Variants in METTL15 observed in about 807,000 individuals in gnomAD.
METTL15 encodes methyltransferase 15, mitochondrial 12S rRNA N4-cytidine, also known as 12S rRNA N(4)-cytidine methyltransferase METTL15.
METTL15 carries 34 observed loss-of-function variants against 38.3 expected under a neutral mutation model. The ratio of observed to expected loss-of-function variants is 0.89; its 90% CI spans 0.68 to 1.18. METTL15 has a LOEUF of 1.18. Ranked by LOEUF, METTL15 falls within the 50% of genes most tolerant of loss-of-function variation. The pLI is 0.00. For missense variants in METTL15, 438 were observed against 498.4 expected, an observed-to-expected ratio of 0.88 and a Z score of 1.15; for synonymous variants, 162 against 170.9, an observed-to-expected ratio of 0.95 and a Z score of 0.41.
chr11:28,116,450 A>G (rs1407330757), intron 3 of METTL15, among the ~76,000 whole-genome samples: 3 of 152,198 alleles, frequency 2.0e-5, no homozygotes, highest in Non-Finnish European at 4.4e-5. Context: ...TTTCCAACAT[A>G]CTGCTTAGTG....
At chr11:28,511,628 C>T (rs867162485) in intron 6 of METTL15, among the ~76,000 whole-genome samples, 24 of 152,252 alleles carry the variant, frequency 1.6e-4, no homozygotes, top group Middle Eastern at 3.4e-3. Flanking sequence ...AGTGTTACAG[C>T]TCTTAAGGCA....
At chr11:28,433,324 G>C (rs1000475072) in intron 6 of METTL15, among the ~76,000 whole-genome samples, 7 of 151,944 alleles carry the variant, frequency 4.6e-5, no homozygotes, top group African/African-American at 1.7e-4. Flanking sequence ...TTGACACTGG[G>C]GAGCTAGCAA....
intron 3 of METTL15, among the ~76,000 whole-genome samples, chr11:28,138,788 G>A (rs12273897): frequency 0.088 from 13,329 of 152,182 alleles, 1,043 homozygotes; most frequent in East Asian, 0.36. Context: ...AAAACAAAAT[G>A]GAAACCTGCA....
chr11:28,375,410 G>A (rs981793842), intron 5 of METTL15, among the ~76,000 whole-genome samples: 45 of 151,960 alleles, frequency 3.0e-4, no homozygotes, highest in Non-Finnish European at 5.3e-4. Flanking sequence ...TGTATGTGTC[G>A]AGGAATTTAT....
intron 6 of METTL15, among the ~76,000 whole-genome samples, chr11:28,509,801 G>C (rs573091321): frequency 1.9e-4 from 29 of 152,264 alleles, no homozygotes; most frequent in South Asian, 1.2e-3. Flanking sequence ...AGTGTGTTAT[G>C]GGGAGCTCAT....
chr11:28,454,040 G>A (rs1013096203), intron 6 of METTL15, among the ~76,000 whole-genome samples: 1 of 152,274 alleles, frequency 6.6e-6, no homozygotes, highest in East Asian at 1.9e-4. Context: ...TTTGATGAGG[G>A]GATCTTACTC....
At chr11:28,118,826 C>G (rs900808433) in intron 3 of METTL15, among the ~76,000 whole-genome samples, 2 of 152,182 alleles carry the variant, frequency 1.3e-5, no homozygotes, top group Admixed American at 1.3e-4. Context: ...GAACCTATCT[C>G]ACTCCTGGTT....
At chr11:28,455,341 C>A (rs1325607676) in intron 6 of METTL15, among the ~76,000 whole-genome samples, 1 of 149,948 alleles carries the variant, frequency 6.7e-6, no homozygotes, top group Non-Finnish European at 1.5e-5. Context: ...ATGTTTTATG[C>A]CCTTCATGTT....
intron 4 of METTL15, among the ~76,000 whole-genome samples, chr11:28,226,254 G>T (rs1853473466): frequency 6.6e-6 from 1 of 151,846 alleles, no homozygotes; most frequent in African/African-American, 2.4e-5. Flanking sequence ...TTGAATCAGG[G>T]TTCAGATTTA....
chr11:28,221,970 G>T (rs192856261), intron 4 of METTL15, among the ~76,000 whole-genome samples: 153 of 152,322 alleles, frequency 1.0e-3, no homozygotes, highest in African/African-American at 1.9e-3. Context: ...TCTACTGGGG[G>T]ATGCCTTCCA....
At chr11:28,372,222 A>G (rs891468313) in intron 5 of METTL15, among the ~76,000 whole-genome samples, 2 of 152,000 alleles carry the variant, frequency 1.3e-5, no homozygotes, top group South Asian at 2.1e-4. Flanking sequence ...TCCAGCACCT[A>G]TTGAAATTAT....
chr11:28,330,848 A>G lies in METTL15; in HGVS notation c.*7A>G, dbSNP rs1463498363. On this transcript the variant is annotated 3_prime_UTR_variant, in exon 7 of 7. Coordinates refer to ENST00000407364, the MANE Select transcript of METTL15 (RefSeq NM_001113528.2). ...AGCAGCTATCAAATTATAAGTTATC[A>G]TCATCTTATTCTTCAAATTTTTTTC... The G allele has an allele frequency of 7.2e-6, 11 of 1,521,512 alleles. No individual in the cohort carries two copies. The African/African-American group carries it at 1.4e-4, about 19-fold the overall frequency. 94.3% of individuals were successfully genotyped at this position (1,521,512 alleles called of 1,614,324 possible).
chr11:28,192,799 G>T (rs1366814670), intron 3 of METTL15, among the ~76,000 whole-genome samples: 1 of 152,028 alleles, frequency 6.6e-6, no homozygotes, highest in East Asian at 1.9e-4. Context: ...TGATAACGAA[G>T]AATTATCTGG....
At chr11:28,215,000 A>G (rs915225754) in intron 4 of METTL15, among the ~76,000 whole-genome samples, 1 of 152,338 alleles carries the variant, frequency 6.6e-6, no homozygotes, top group East Asian at 1.9e-4. Context: ...ATAGTTTTAC[A>G]TGGCATAGGA....
chr11:28,374,069 C>T (rs538944449), intron 5 of METTL15, among the ~76,000 whole-genome samples: 1 of 152,200 alleles, frequency 6.6e-6, no homozygotes, highest in African/African-American at 2.4e-5. Flanking sequence ...GTTACTGTAG[C>T]CTTGTAGTAT....
At chr11:28,115,831 A>C (rs1851919568) in intron 3 of METTL15, among the ~76,000 whole-genome samples, 1 of 151,760 alleles carries the variant, frequency 6.6e-6, no homozygotes. Context: ...TGTGTTGTTC[A>C]AGGATAAATC....
At chr11:28,297,092 A>G (rs978323430) in intron 6 of METTL15, among the ~76,000 whole-genome samples, 161 bp downstream of exon 6, 3 of 152,072 alleles carry the variant, frequency 2.0e-5, no homozygotes, top group Admixed American at 6.6e-5. Context: ...AATCTTGCCT[A>G]TCCTTCTCTA....
chr11:28,176,293 T>G (rs996868070), intron 3 of METTL15, among the ~76,000 whole-genome samples: 4 of 152,150 alleles, frequency 2.6e-5, no homozygotes, highest in Admixed American at 2.6e-4. Context: ...TATACAGTTT[T>G]TCTTTTCTTA....
At chr11:28,458,515 T>C (rs1851188923) in intron 6 of METTL15, among the ~76,000 whole-genome samples, 1 of 152,164 alleles carries the variant, frequency 6.6e-6, no homozygotes, top group African/African-American at 2.4e-5. Flanking sequence ...ACCACTGCTC[T>C]GAGAGATAAT....
Sources: gnomAD v4.1 joint callset for allele counts (sites outside exome capture counted in the v4.1 genomes callset) on GRCh38, gnomAD v4.1.1 for gene constraint, MANE v1.5 for transcripts, NCBI Gene and HGNC (gene_info 2026-07-23, HGNC 2026-07-21) for gene names.